The following CCSER1 variants were observed in gnomAD, a reference collection of about 807,000 sequenced individuals.
CCSER1 encodes serine-rich coiled-coil domain-containing protein 1.
CCSER1 carries 41 observed loss-of-function variants against 82.0 expected under a neutral mutation model. The ratio of observed to expected loss-of-function variants is 0.50; its 90% confidence interval spans 0.39 to 0.65. CCSER1 has a LOEUF of 0.65. Ranked by LOEUF, CCSER1 falls within the 30% of genes least tolerant of loss-of-function variation. CCSER1 has a pLI of 0.00. For synonymous variants in CCSER1, 414 were observed against 383.9 expected, an observed-to-expected ratio of 1.08 and a Z score of -0.92; for missense variants, 1,119 against 1,064.2, an observed-to-expected ratio of 1.05 and a Z score of -0.72.
At position 91,060,954 on chromosome 4, in the gene CCSER1, G is replaced by A. The variant is rs993536813; in HGVS notation, c.2173-24996G>A. 1.3e-4 allele frequency among the ~76,000 whole-genome samples: 20 copies of A among 152,014 alleles called. No homozygotes were observed. In the East Asian group the frequency reaches 1.7e-3, roughly 13 times the overall value. On this transcript the variant is annotated intron_variant, in intron 9 of 10. Transcript: ENST00000509176. The stretch of plus-strand genomic sequence containing the variant: ...GTGATATTGTTGGTTTTTGATACAC[G>A]TATGTAAAATTGGTAATTTTTAATT...
intron 10 of CCSER1, among the ~76,000 whole-genome samples, chr4:91,190,081 A>T (rs1336698496): frequency 6.6e-6 from 1 of 152,166 alleles, no homozygotes; most frequent in Non-Finnish European, 1.5e-5. Context: ...GCCTTAATTT[A>T]CTAGATGCCT....
intron 1 of CCSER1, among the ~76,000 whole-genome samples, chr4:90,213,239 A>G (rs1228814201): frequency 1.3e-5 from 2 of 152,156 alleles, no homozygotes; most frequent in Admixed American, 1.3e-4. Context: ...GAAGTGTGTG[A>G]GAAAGGGACA....
At chr4:90,697,456 C>A (rs1270196570) in intron 6 of CCSER1, among the ~76,000 whole-genome samples, 1 of 151,998 alleles carries the variant, frequency 6.6e-6, no homozygotes, top group African/African-American at 2.4e-5. Context: ...GTAAAATAAG[C>A]AATCTAACAG....
intron 10 of CCSER1, among the ~76,000 whole-genome samples, chr4:91,187,738 A>G (rs1734680910): frequency 6.6e-6 from 1 of 152,128 alleles, no homozygotes; most frequent in South Asian, 2.1e-4. Flanking sequence ...TTTTTAGTAG[A>G]GCTGTGGTTT....
intron 1 of CCSER1, among the ~76,000 whole-genome samples, chr4:90,200,389 G>A (rs545575457): frequency 4.6e-5 from 7 of 152,058 alleles, no homozygotes; most frequent in Admixed American, 4.6e-4. Flanking sequence ...AATAATAAAT[G>A]GGCACACAAA....
At chr4:90,153,525 C>A (rs943675495) in intron 1 of CCSER1, among the ~76,000 whole-genome samples, 9 of 152,056 alleles carry the variant, frequency 5.9e-5, no homozygotes, top group Non-Finnish European at 8.8e-5. Flanking sequence ...GTTCCTATTT[C>A]TCCACATCCT....
rs938883090 is a variant in CCSER1, at chr4:90,768,541, T to C, written c.2010+44550T>C. 3.9e-5 allele frequency among the ~76,000 whole-genome samples: 6 copies of C among 152,310 alleles called. No homozygotes were observed. The South Asian group carries it at 1.2e-3, about 32-fold the overall frequency. On this transcript the variant is annotated intron_variant, in intron 7 of 10. Coordinates refer to ENST00000509176, the MANE Select transcript of CCSER1 (RefSeq NM_001145065.2). ...TAAAATATGAAGGTAACTTTGGATC[T>C]GGTCAGCAGATTTCAAGGAGAATGT...
At chr4:91,438,957 T>G (rs548757429) in intron 10 of CCSER1, among the ~76,000 whole-genome samples, 78 of 152,014 alleles carry the variant, frequency 5.1e-4, no homozygotes, top group Non-Finnish European at 1.9e-4. Context: ...AATGAACAAA[T>G]CCTCCAAGAA....
chr4:91,423,385 A>C (rs1228454943), intron 10 of CCSER1, among the ~76,000 whole-genome samples: 7 of 152,092 alleles, frequency 4.6e-5, no homozygotes, highest in Admixed American at 1.3e-4. Flanking sequence ...GGTTGAGATC[A>C]TGCCACTGCA....
At chr4:90,662,364 A>G (rs1001905501) in intron 6 of CCSER1, among the ~76,000 whole-genome samples, 3 of 151,952 alleles carry the variant, frequency 2.0e-5, no homozygotes, top group African/African-American at 7.3e-5. Context: ...GTTCTGATAT[A>G]GGGTCTGCTA....
intron 5 of CCSER1, among the ~76,000 whole-genome samples, chr4:90,492,508 C>T (rs938003932): frequency 1.3e-5 from 2 of 152,080 alleles, no homozygotes; most frequent in African/African-American, 4.8e-5. Context: ...CTTTTTGTGT[C>T]TCTATCTCCT....
intron 5 of CCSER1, among the ~76,000 whole-genome samples, chr4:90,476,342 T>C (rs1354417530): frequency 6.6e-6 from 1 of 152,028 alleles, no homozygotes; most frequent in Non-Finnish European, 1.5e-5. Context: ...GGTCCTACCC[T>C]CTGGAGGACC....
At position 91,411,039 on chromosome 4, in the gene CCSER1, A is replaced by T. The variant is rs1473172430; in HGVS notation, c.2218-187533A>T. On this transcript the variant is annotated intron_variant, in intron 10 of 10. Transcript: ENST00000509176. Reference sequence around the variant, plus strand: ...TTAATAATCTGTTGTTAGATTGAAGATTCACAATATTTATATAATTTTATG... The same window carrying T: ...TTAATAATCTGTTGTTAGATTGAAGTTTCACAATATTTATATAATTTTATG... Among the ~76,000 whole-genome samples the T allele has an allele frequency of 4.6e-5, 7 of 152,166 alleles. No homozygotes were observed. The East Asian group carries it at 1.4e-3, about 29-fold the overall frequency.
chr4:90,583,740 A>G (rs997104927), intron 5 of CCSER1, among the ~76,000 whole-genome samples: 2 of 151,926 alleles, frequency 1.3e-5, no homozygotes, highest in Non-Finnish European at 2.9e-5. Flanking sequence ...ATCTATTTTT[A>G]GTTTCAGCTA....
chr4:90,541,305 C>A (rs927578864), intron 5 of CCSER1, among the ~76,000 whole-genome samples: 2 of 152,136 alleles, frequency 1.3e-5, no homozygotes, highest in East Asian at 3.9e-4. Flanking sequence ...CTCTACCATT[C>A]GCTACTGCTC....
chr4:90,614,120 TTTTTCA>T (rs146222926), intron 5 of CCSER1, among the ~76,000 whole-genome samples: 2,069 of 152,268 alleles, frequency 0.014, 52 homozygotes, highest in African/African-American at 0.047. Context: ...GATTTCAAAC[TTTTTCA>T]TTATTATATT....
At chr4:91,413,343 C>G (rs1753174951) in intron 10 of CCSER1, among the ~76,000 whole-genome samples, 1 of 151,990 alleles carries the variant, frequency 6.6e-6, no homozygotes, top group African/African-American at 2.4e-5. Context: ...ACCTGTAGTC[C>G]TAGCTACTCA....
chr4:90,874,199 G>A (rs1011710993), intron 8 of CCSER1, among the ~76,000 whole-genome samples: 2 of 151,890 alleles, frequency 1.3e-5, no homozygotes, highest in African/African-American at 4.8e-5. Context: ...TTATCTCTAG[G>A]CACAGCTTTA....
chr4:90,636,701 A>G lies in CCSER1; in HGVS notation c.1932+8469A>G, dbSNP rs999637770. 2.0e-5 allele frequency among the ~76,000 whole-genome samples: 3 copies of G among 152,156 alleles called. No homozygotes were observed. The South Asian group carries it at 6.2e-4, about 31-fold the overall frequency. On this transcript the variant is annotated intron_variant, in intron 6 of 10. Transcript: ENST00000509176. ...TAAACCTCAGTTTACTGGTAGTACA[A>G]GGGAACTTCTATAGCTAATATTCAT...
Sources: gnomAD v4.1 joint callset for allele counts (sites outside exome capture counted in the v4.1 genomes callset) on GRCh38, gnomAD v4.1.1 for gene constraint, MANE v1.5 for transcripts, NCBI Gene and HGNC (gene_info 2026-07-23, HGNC 2026-07-21) for gene names.